SND1: variants seen among roughly 807,000 people sequenced by gnomAD.
SND1 encodes the protein staphylococcal nuclease domain-containing protein 1.
Under a neutral mutation model 121.7 loss-of-function variants are expected in SND1, and 38 were observed. That is an observed-to-expected ratio of 0.31 (90% confidence interval 0.24 to 0.41). The LOEUF (loss-of-function observed/expected upper bound fraction) is 0.41. SND1 is among the 10% of genes least tolerant of loss of function. The probability of loss-of-function intolerance (pLI) is 1.00; values close to 1 mark genes in which losing one functional copy is unlikely to be tolerated. For missense variants in SND1, 868 were observed against 1,184.6 expected, an observed-to-expected ratio of 0.73 and a Z score of 3.92; for synonymous variants, 401 against 447.4, an observed-to-expected ratio of 0.90 and a Z score of 1.31.
chr7:127,814,575 G>A (rs1240469836), intron 11 of SND1, among the ~76,000 whole-genome samples: 1 of 151,638 alleles, frequency 6.6e-6, no homozygotes, highest in Non-Finnish European at 1.5e-5. Context: ...GATCAGTTTT[G>A]TCCACTTACA....
intron 21 of SND1, 46 bp from the exon 22 acceptor site, chr7:128,089,442 GT>G: frequency 6.4e-7 from 1 of 1,550,398 alleles, no homozygotes; most frequent in Non-Finnish European, 8.8e-7. Context: ...TGGGGCCCAA[GT>G]GGTTGTTCTC....
In SND1 at chr7:127,907,210, G is replaced by C. The variant is rs542696979; in HGVS notation, c.1527+2391G>C. ...AGTTTTTTTGGTGCCCTCTTTAATAGAGGAGTTTTGTCTTTTCCCACCTTC... is the reference window on the plus strand; with the variant it reads ...AGTTTTTTTGGTGCCCTCTTTAATACAGGAGTTTTGTCTTTTCCCACCTTC... On this transcript the variant is annotated intron_variant, in intron 14 of 23. Coordinates refer to ENST00000354725, the MANE Select transcript of SND1 (RefSeq NM_014390.4). 4.6e-5 allele frequency among the ~76,000 whole-genome samples: 7 copies of C among 152,260 alleles called. No homozygotes were observed. The East Asian group carries it at 1.4e-3, about 29-fold the overall frequency.
In SND1 at chr7:127,701,265, G is replaced by T; in HGVS notation, c.531G>T (p.Lys177Asn). The T allele has an allele frequency of 6.2e-7, 1 of 1,614,038 alleles. No homozygotes were observed. Among genetic ancestry groups the T allele is most frequent in the Non-Finnish European group, 8.5e-7 (1 of 1,179,966 alleles). The change falls in exon 5 of 24, where the codon AAG (lysine) becomes AAT (asparagine). Residue 177 changes from lysine to asparagine, a missense_variant. Physicochemically the swap from Lys to Asn is moderately conservative, Grantham distance 94 (BLOSUM62 0). Transcript: ENST00000354725. The stretch of plus-strand genomic sequence containing the variant: ...GTTCACATACTATCCGGGATCTCAA[G>T]TATACCATTGAAAACCCAAGGCACT... The part of the protein sequence containing the change: ...GNGSHTIRDL[K>N]YTIENPRHFV...
chr7:127,745,650 A>G (rs1384058710), intron 10 of SND1, among the ~76,000 whole-genome samples: 1 of 152,174 alleles, frequency 6.6e-6, no homozygotes, highest in African/African-American at 2.4e-5. Flanking sequence ...TTAGGTGCAT[A>G]TGACTTTGTG....
chr7:127,759,298 A>G (rs1403863247), intron 10 of SND1, among the ~76,000 whole-genome samples: 1 of 152,196 alleles, frequency 6.6e-6, no homozygotes, highest in Non-Finnish European at 1.5e-5. Context: ...ACTATATAAA[A>G]TCAAATTAAT....
chr7:127,858,002 C>G, intron 12 of SND1: 1 of 1,456,786 alleles, frequency 6.9e-7, no homozygotes, highest in Non-Finnish European at 9.6e-7. Flanking sequence ...TCGGCATCCC[C>G]CGGGTTCTCC....
intron 16 of SND1, among the ~76,000 whole-genome samples, chr7:128,014,432 T>C (rs184942935): frequency 2.2e-4 from 34 of 152,314 alleles, no homozygotes; most frequent in South Asian, 1.9e-3. Context: ...GTGCTGATAA[T>C]ACGAGCCTGG....
At chr7:128,009,714 G>GTGTTC (rs973589224) in intron 16 of SND1, among the ~76,000 whole-genome samples, 1 of 151,914 alleles carries the variant, frequency 6.6e-6, no homozygotes, top group African/African-American at 2.4e-5. Context: ...GGTTTGCATT[G>GTGTTC]TGTTCTTCTG....
chr7:127,741,923 A>G (rs1013047840), intron 10 of SND1, among the ~76,000 whole-genome samples: 1 of 152,034 alleles, frequency 6.6e-6, no homozygotes, highest in Non-Finnish European at 1.5e-5. Context: ...GCTCTGTTAC[A>G]TTGTTCTCAA....
intron 13 of SND1, among the ~76,000 whole-genome samples, chr7:127,893,860 T>G (rs1248168002): frequency 6.6e-6 from 1 of 152,026 alleles, no homozygotes; most frequent in Non-Finnish European, 1.5e-5. Flanking sequence ...ATTTTTCTGA[T>G]TCAGCAAACC....
intron 16 of SND1, among the ~76,000 whole-genome samples, chr7:128,055,695 A>G (rs535384494): frequency 6.6e-6 from 1 of 152,264 alleles, no homozygotes; most frequent in East Asian, 1.9e-4. Flanking sequence ...GGGAAACTGA[A>G]GCTTCCTTAA....
chr7:127,924,638 G>T (rs1161855922), intron 14 of SND1, among the ~76,000 whole-genome samples: 1 of 152,018 alleles, frequency 6.6e-6, no homozygotes, highest in East Asian at 1.9e-4. Flanking sequence ...TGGCTGTCTG[G>T]GGTGGTGGTC....
chr7:127,865,505 G>A (rs1178313718), intron 12 of SND1, among the ~76,000 whole-genome samples: 1 of 152,106 alleles, frequency 6.6e-6, no homozygotes, highest in African/African-American at 2.4e-5. Flanking sequence ...TTTGGTACAA[G>A]ATTAAACAAA....
At chr7:127,803,993 A>G (rs762862886) in intron 10 of SND1, among the ~76,000 whole-genome samples, 37 of 152,340 alleles carry the variant, frequency 2.4e-4, no homozygotes, top group Non-Finnish European at 4.4e-4. Context: ...TTTATGAAGC[A>G]AGCATTTTTT....
At chr7:127,791,684 T>G (rs1473021464) in intron 10 of SND1, among the ~76,000 whole-genome samples, 1 of 152,236 alleles carries the variant, frequency 6.6e-6, no homozygotes, top group Non-Finnish European at 1.5e-5. Flanking sequence ...ACAGCTGGCT[T>G]AAGAGAAGTT....
intron 16 of SND1, among the ~76,000 whole-genome samples, chr7:128,049,634 C>T (rs1006042279): frequency 6.6e-6 from 1 of 152,152 alleles, no homozygotes; most frequent in Admixed American, 6.5e-5. Flanking sequence ...GCAGCGTGGA[C>T]CTTGGAATCA....
intron 2 of SND1, among the ~76,000 whole-genome samples, chr7:127,689,653 C>T (rs960601246): frequency 6.6e-6 from 1 of 152,156 alleles, no homozygotes; most frequent in Non-Finnish European, 1.5e-5. Flanking sequence ...TATATTTATA[C>T]AGTCTAGTGC....
intron 13 of SND1, among the ~76,000 whole-genome samples, chr7:127,904,037 T>G (rs1316763238): frequency 6.6e-6 from 1 of 152,164 alleles, no homozygotes; most frequent in Non-Finnish European, 1.5e-5. Flanking sequence ...CTGTGGTCCT[T>G]CATTGTTATA....
chr7:128,044,559 A>G (rs1792912608), intron 16 of SND1, among the ~76,000 whole-genome samples: 1 of 151,998 alleles, frequency 6.6e-6, no homozygotes, highest in Non-Finnish European at 1.5e-5. Context: ...TGTTTTTACA[A>G]TAAAGAAAAA....
Sources: gnomAD v4.1 joint callset for allele counts (sites outside exome capture counted in the v4.1 genomes callset) on GRCh38, gnomAD v4.1.1 for gene constraint, MANE v1.5 for transcripts, NCBI Gene and HGNC (gene_info 2026-07-23, HGNC 2026-07-21) for gene names.